Variants in KSR2 observed in about 807,000 individuals in gnomAD.
The protein encoded by KSR2 is kinase suppressor of ras 2.
In KSR2, 25 loss-of-function variants were observed where a neutral mutation model predicts 107.8. The ratio of observed to expected loss-of-function variants is 0.23; its 90% confidence interval spans 0.17 to 0.32. KSR2 has a LOEUF of 0.32. Ranked by LOEUF, KSR2 falls within the 10% of genes least tolerant of loss-of-function variation. The pLI is 1.00. For synonymous variants in KSR2, 480 were observed against 507.0 expected, an observed-to-expected ratio of 0.95 and a Z score of 0.71; for missense variants, 887 against 1,268.9, an observed-to-expected ratio of 0.70 and a Z score of 4.57.
chr12:117,781,991 T>A (rs1260739200), intron 3 of KSR2, among the ~76,000 whole-genome samples: 1 of 152,228 alleles, frequency 6.6e-6, no homozygotes, highest in Non-Finnish European at 1.5e-5. Flanking sequence ...GCAACAGAGA[T>A]GTTCATGCTT....
At chr12:117,675,016 T>A (rs894066910) in intron 4 of KSR2, among the ~76,000 whole-genome samples, 1 of 152,212 alleles carries the variant, frequency 6.6e-6, no homozygotes, top group African/African-American at 2.4e-5. Flanking sequence ...ATTGTGCTTG[T>A]TAGTGGTATC....
intron 4 of KSR2, among the ~76,000 whole-genome samples, chr12:117,747,776 T>A (rs1888465708): frequency 6.6e-6 from 1 of 152,256 alleles, no homozygotes; most frequent in South Asian, 2.1e-4. Flanking sequence ...CTGTCAAGAA[T>A]GGCTTTTATC....
At chr12:117,822,863 G>A (rs529616080) in intron 3 of KSR2, among the ~76,000 whole-genome samples, 1 of 152,258 alleles carries the variant, frequency 6.6e-6, no homozygotes, top group African/African-American at 2.4e-5. Context: ...ATCCTAAGTT[G>A]ACAGTCAGGG....
chr12:117,538,713 G>A (rs988312970), intron 10 of KSR2, among the ~76,000 whole-genome samples: 3 of 152,176 alleles, frequency 2.0e-5, no homozygotes, highest in South Asian at 2.1e-4. Flanking sequence ...TAGTGTAACC[G>A]ATAAGCTAAT....
intron 1 of KSR2, among the ~76,000 whole-genome samples, chr12:117,954,894 G>T (rs1896461943): frequency 6.6e-6 from 1 of 151,788 alleles, no homozygotes. Flanking sequence ...GCATGTGCCT[G>T]TAATCCCAGC....
At chr12:117,864,372 T>A (rs1893405153) in intron 1 of KSR2, among the ~76,000 whole-genome samples, 1 of 152,154 alleles carries the variant, frequency 6.6e-6, no homozygotes, top group Admixed American at 6.6e-5. Context: ...TGGGAAGAGT[T>A]ACCCCATACA....
chr12:117,574,581 C>T (rs111542915), intron 7 of KSR2, among the ~76,000 whole-genome samples: 2,779 of 152,238 alleles, frequency 0.018, 54 homozygotes, highest in African/African-American at 0.039. Context: ...ACAAGGACAG[C>T]ATGCAGGAAA....
chr12:117,668,274 C>T (rs1884750378), intron 4 of KSR2, among the ~76,000 whole-genome samples: 1 of 152,240 alleles, frequency 6.6e-6, no homozygotes. Flanking sequence ...TTGCTGAGGA[C>T]TTCTGGTGCC....
intron 5 of KSR2, among the ~76,000 whole-genome samples, chr12:117,593,709 G>A (rs1373734661): frequency 6.6e-6 from 1 of 152,264 alleles, no homozygotes; most frequent in Non-Finnish European, 1.5e-5. Flanking sequence ...ATCAGACACT[G>A]GGAAATGAAG....
At chr12:117,774,869 CT>C (rs1889631434) in intron 3 of KSR2, among the ~76,000 whole-genome samples, 1 of 152,198 alleles carries the variant, frequency 6.6e-6, no homozygotes, top group Non-Finnish European at 1.5e-5. Context: ...TTTTCTGTCT[CT>C]GTGGATTTGC....
intron 5 of KSR2, among the ~76,000 whole-genome samples, chr12:117,589,967 C>G (rs1175397157): frequency 6.6e-6 from 1 of 152,122 alleles, no homozygotes; most frequent in African/African-American, 2.4e-5. Flanking sequence ...GTGCATAGAC[C>G]AGGGTGGGCT....
chr12:117,671,620 G>T lies in KSR2; in HGVS notation c.987-3962C>A, dbSNP rs540557096. 1.2e-4 allele frequency among the ~76,000 whole-genome samples: 18 copies of T among 152,318 alleles called. No homozygotes were observed. The South Asian group carries it at 2.5e-3, about 21-fold the overall frequency. On this transcript the variant is annotated intron_variant, in intron 4 of 19. Coordinates refer to ENST00000339824, the MANE Select transcript of KSR2 (RefSeq NM_173598.6). ...CCACACATGACTGTAGGCTCCTTGAGGTCAGGAACCATGTGGTTTACCCTG... is the reference window on the plus strand; with the variant it reads ...CCACACATGACTGTAGGCTCCTTGATGTCAGGAACCATGTGGTTTACCCTG...
chr12:117,590,106 C>T (rs895835816), intron 5 of KSR2, among the ~76,000 whole-genome samples: 2 of 152,304 alleles, frequency 1.3e-5, no homozygotes, highest in African/African-American at 2.4e-5. Flanking sequence ...TCCTGGGGCT[C>T]CCATGACATT....
intron 4 of KSR2, among the ~76,000 whole-genome samples, chr12:117,718,465 C>A (rs1305545585): frequency 6.6e-6 from 1 of 152,164 alleles, no homozygotes; most frequent in Non-Finnish European, 1.5e-5. Context: ...ATTCTTGCTG[C>A]TTGGCAGAAA....
intron 5 of KSR2, 46 bp from the exon 6 acceptor site, chr12:117,582,405 G>C (rs1287883335): frequency 6.8e-7 from 1 of 1,475,080 alleles, no homozygotes; most frequent in Non-Finnish European, 9.5e-7. Context: ...GTCAGAGACT[G>C]GGGTGGGCTC....
intron 3 of KSR2, among the ~76,000 whole-genome samples, chr12:117,776,311 A>G (rs544747258): frequency 7.9e-5 from 12 of 152,306 alleles, no homozygotes; most frequent in Admixed American, 6.5e-4. Flanking sequence ...GACATTTTAA[A>G]CTAAAACACA....
intron 4 of KSR2, among the ~76,000 whole-genome samples, chr12:117,673,210 G>A (rs865827259): frequency 6.6e-6 from 1 of 151,942 alleles, no homozygotes; most frequent in Non-Finnish European, 1.5e-5. Flanking sequence ...TTGGACAGAA[G>A]GATAGATGAA....
At chr12:117,790,769 TCTC>T (rs1196422555) in intron 3 of KSR2, among the ~76,000 whole-genome samples, 1 of 152,094 alleles carries the variant, frequency 6.6e-6, no homozygotes, top group East Asian at 1.9e-4. Flanking sequence ...CCTTGATAAA[TCTC>T]CTTCCTCCCA....
chr12:117,661,323 T>C (rs1884423477), intron 5 of KSR2, among the ~76,000 whole-genome samples: 1 of 152,148 alleles, frequency 6.6e-6, no homozygotes, highest in Admixed American at 6.5e-5. Context: ...AATTGGAATC[T>C]GGTGAGATGA....
Sources: allele counts gnomAD v4.1 joint callset (sites outside exome capture counted in the v4.1 genomes callset), GRCh38; gene constraint gnomAD v4.1.1; transcripts MANE v1.5; gene names NCBI Gene and HGNC (gene_info 2026-07-23, HGNC 2026-07-21).